Variants in CTNNA3 observed in about 807,000 individuals in gnomAD.
CTNNA3 encodes catenin alpha-3.
CTNNA3 carries 76 observed loss-of-function variants against 95.7 expected under a neutral mutation model. That is an observed-to-expected ratio of 0.79 (90% CI 0.66 to 0.96). The LOEUF (loss-of-function observed/expected upper bound fraction) is 0.96, where lower values mean the gene tolerates loss of function less well. Among genes scored for constraint, CTNNA3 ranks in the 40% least tolerant of loss-of-function variants. The pLI is 0.00. For synonymous variants in CTNNA3, 431 were observed against 374.4 expected (o/e 1.15, Z -1.74); for missense variants, 1,191 against 1,089.8 (o/e 1.09, Z -1.31).
At chr10:66,572,932 T>C (rs982473542) in intron 10 of CTNNA3, among the ~76,000 whole-genome samples, 1 of 152,138 alleles carries the variant, frequency 6.6e-6, no homozygotes, top group African/African-American at 2.4e-5. Context: ...TGCCATCTGC[T>C]TATCAGATGT....
intron 11 of CTNNA3, among the ~76,000 whole-genome samples, chr10:66,427,411 TC>T (rs1164556468): frequency 6.6e-6 from 1 of 152,088 alleles, no homozygotes; most frequent in Non-Finnish European, 1.5e-5. Flanking sequence ...CCCCTAAGCT[TC>T]CTTACGGTTG....
intron 4 of CTNNA3, among the ~76,000 whole-genome samples, chr10:67,536,412 G>T (rs1041918133): frequency 3.3e-5 from 5 of 152,088 alleles, no homozygotes; most frequent in Non-Finnish European, 5.9e-5. Flanking sequence ...AGAAAATTGA[G>T]ATTGTTATCA....
chr10:66,178,442 T>TATAC (rs1306051576), intron 13 of CTNNA3, among the ~76,000 whole-genome samples: 1 of 95,492 alleles, frequency 1.0e-5, no homozygotes, highest in South Asian at 3.6e-4. Flanking sequence ...TATATATATA[T>TATAC]ACACACACAG....
rs559077235 is a variant in CTNNA3, at chr10:66,189,189, T to C, written c.1885-85940A>G. 2.8e-4 allele frequency among the ~76,000 whole-genome samples: 43 copies of C among 152,120 alleles called. No homozygotes were observed. In the South Asian group the frequency reaches 7.5e-3, roughly 26 times the overall value. Reference sequence around the variant, plus strand: ...ATCCGTATGCTGCTTTTACATTTTGTTGACTATTTGCTGTGCAGAAGCTTT... The same window carrying C: ...ATCCGTATGCTGCTTTTACATTTTGCTGACTATTTGCTGTGCAGAAGCTTT... On this transcript the variant is annotated intron_variant, in intron 13 of 17. Transcript: ENST00000433211.
chr10:67,687,533 A>G (rs1564829227), intron 1 of CTNNA3, among the ~76,000 whole-genome samples: 1 of 151,992 alleles, frequency 6.6e-6, no homozygotes. Flanking sequence ...CCTTTCTCTG[A>G]TCTTGCTTTT....
intron 7 of CTNNA3, among the ~76,000 whole-genome samples, chr10:66,988,914 T>A (rs952801252): frequency 6.6e-6 from 1 of 152,014 alleles, no homozygotes; most frequent in Non-Finnish European, 1.5e-5. Context: ...TTTGCTCCAC[T>A]ACTCACTGAA....
chr10:66,130,952 A>G (rs1488321797), intron 13 of CTNNA3, among the ~76,000 whole-genome samples: 1 of 152,010 alleles, frequency 6.6e-6, no homozygotes, highest in Non-Finnish European at 1.5e-5. Context: ...AATCTAAAAG[A>G]AATGGATAAA....
chr10:66,677,783 T>G (rs1846914282), intron 9 of CTNNA3, among the ~76,000 whole-genome samples: 1 of 152,118 alleles, frequency 6.6e-6, no homozygotes, highest in Admixed American at 6.6e-5. Context: ...CCTTTATAAA[T>G]TACCCGGTCT....
At chr10:66,128,976 A>T (rs1023517765) in intron 13 of CTNNA3, among the ~76,000 whole-genome samples, 1 of 152,136 alleles carries the variant, frequency 6.6e-6, no homozygotes, top group African/African-American at 2.4e-5. Context: ...AAACAAAAAA[A>T]AAACTTGGCT....
At chr10:66,618,005 G>C (rs1469457560) in intron 10 of CTNNA3, among the ~76,000 whole-genome samples, 1 of 151,484 alleles carries the variant, frequency 6.6e-6, no homozygotes, top group Non-Finnish European at 1.5e-5. Flanking sequence ...AACTTACAAG[G>C]GACGTGAAGG....
chr10:67,607,015 G>A lies in CTNNA3; in HGVS notation c.134C>T (p.Ser45Phe), dbSNP rs774104442. 6.2e-7 allele frequency: 1 copy of A among 1,613,966 alleles called. No individual in the cohort carries two copies. The highest frequency in any genetic ancestry group is 1.7e-5 in the Admixed American group (1 of 60,008). The stretch of plus-strand genomic sequence containing the variant: ...TTTCGAACGTCCTTTTTTCCTGCTG[G>A]AAGGGTTCTGGGGACAGTTTACAAG... Reference protein sequence around the residue: ...TTLVNCPQNPSSRKKGRSKRA... With the variant: ...TTLVNCPQNPFSRKKGRSKRA... The change falls in exon 3 of 18, where the codon TCC (serine) becomes TTC (phenylalanine). Residue 45 changes from serine to phenylalanine, a missense_variant. Physicochemically the swap from Ser to Phe is radical, Grantham distance 155. Coordinates refer to ENST00000433211, the MANE Select transcript of CTNNA3 (RefSeq NM_013266.4).
At chr10:66,987,287 C>G (rs897657864) in intron 7 of CTNNA3, among the ~76,000 whole-genome samples, 1 of 152,046 alleles carries the variant, frequency 6.6e-6, no homozygotes, top group African/African-American at 2.4e-5. Context: ...AACAGGGGAG[C>G]AAGGCAGAAT....
At chr10:67,513,172 C>T (rs532802049) in intron 5 of CTNNA3, among the ~76,000 whole-genome samples, 5 of 152,132 alleles carry the variant, frequency 3.3e-5, no homozygotes, top group Non-Finnish European at 7.3e-5. Context: ...AGTCCCAATG[C>T]AACAAGGTTC....
At chr10:67,341,681 T>C (rs766217151) in intron 5 of CTNNA3, among the ~76,000 whole-genome samples, 6 of 152,210 alleles carry the variant, frequency 3.9e-5, no homozygotes, top group African/African-American at 7.2e-5. Context: ...CTCTTCAATA[T>C]ATTGATTTCC....
intron 5 of CTNNA3, among the ~76,000 whole-genome samples, chr10:67,371,903 T>A (rs1843479921): frequency 6.6e-6 from 1 of 152,212 alleles, no homozygotes; most frequent in Non-Finnish European, 1.5e-5. Flanking sequence ...GTTTCCTGAC[T>A]TTTTAATGAT....
intron 1 of CTNNA3, among the ~76,000 whole-genome samples, chr10:67,664,907 G>A (rs530216066): frequency 3.2e-4 from 49 of 152,008 alleles, no homozygotes; most frequent in South Asian, 6.2e-4. Context: ...TTAAGTCTGC[G>A]CACAAAAACT....
At chr10:66,724,971 G>A (rs1026746746) in intron 9 of CTNNA3, among the ~76,000 whole-genome samples, 3 of 152,046 alleles carry the variant, frequency 2.0e-5, no homozygotes, top group African/African-American at 7.2e-5. Flanking sequence ...CAAAATTCAT[G>A]GATGCTGAAG....
chr10:67,544,724 A>C (rs1052440065), intron 3 of CTNNA3, among the ~76,000 whole-genome samples: 1 of 152,206 alleles, frequency 6.6e-6, no homozygotes, highest in Non-Finnish European at 1.5e-5. Context: ...TCCAACCACC[A>C]GACTGGAAAA....
intron 7 of CTNNA3, among the ~76,000 whole-genome samples, chr10:66,856,250 A>G (rs999942399): frequency 2.0e-5 from 3 of 151,980 alleles, no homozygotes; most frequent in African/African-American, 7.2e-5. Flanking sequence ...AAAGGACATG[A>G]TATTTTCTTT....
Sources: gnomAD v4.1 joint callset for allele counts (sites outside exome capture counted in the v4.1 genomes callset) on GRCh38, gnomAD v4.1.1 for gene constraint, MANE v1.5 for transcripts, NCBI Gene and HGNC (gene_info 2026-07-23, HGNC 2026-07-21) for gene names.